Variants in PTPRN2 observed in about 807,000 individuals in gnomAD.
PTPRN2 encodes the protein receptor-type tyrosine-protein phosphatase N2.
PTPRN2 carries 74 observed loss-of-function variants against 118.8 expected under a neutral mutation model. The observed-to-expected ratio is 0.62, with a 90% CI of 0.52 to 0.76. PTPRN2 has a LOEUF of 0.76. Among genes scored for constraint, PTPRN2 ranks in the 30% least tolerant of loss-of-function variants. PTPRN2 has a pLI of 0.00. For synonymous variants in PTPRN2, 641 were observed against 608.0 expected, an observed-to-expected ratio of 1.05 and a Z score of -0.80; for missense variants, 1,481 against 1,394.4, an observed-to-expected ratio of 1.06 and a Z score of -0.99.
chr7:158,304,211 C>T lies in PTPRN2; in HGVS notation c.277+12608G>A, dbSNP rs758410147. Among the ~76,000 whole-genome samples the T allele has an allele frequency of 7.4e-4, 111 of 150,300 alleles. 3 individuals carry two copies. Among genetic ancestry groups the T allele is most frequent in the Non-Finnish European group, 9.3e-4 (63 of 67,772 alleles). On this transcript the variant is annotated intron_variant, in intron 3 of 22. Transcript: ENST00000389418. ...GGGAGGCATAAGACATCCATCAATACACATAAGACGTACACAGGCTTGGAT... is the reference window on the plus strand; with the variant it reads ...GGGAGGCATAAGACATCCATCAATATACATAAGACGTACACAGGCTTGGAT...
chr7:158,288,864 T>A (rs1799930712), intron 3 of PTPRN2, among the ~76,000 whole-genome samples: 1 of 152,234 alleles, frequency 6.6e-6, no homozygotes, highest in East Asian at 1.9e-4. Context: ...ACAGCTCTGG[T>A]GGTGATTAAT....
chr7:158,420,029 A>G (rs1445927020), intron 2 of PTPRN2, among the ~76,000 whole-genome samples: 1 of 152,192 alleles, frequency 6.6e-6, no homozygotes, highest in Non-Finnish European at 1.5e-5. Context: ...AATCTTGTGC[A>G]CAGGACCTGA....
At chr7:158,263,344 A>G (rs187801482) in intron 3 of PTPRN2, among the ~76,000 whole-genome samples, 4 of 151,472 alleles carry the variant, frequency 2.6e-5, no homozygotes, top group African/African-American at 9.7e-5. Context: ...GCACATGTAC[A>G]TGTGTACACA....
chr7:158,267,624 C>T (rs1205090892), intron 3 of PTPRN2, among the ~76,000 whole-genome samples: 2 of 152,176 alleles, frequency 1.3e-5, no homozygotes, highest in African/African-American at 2.4e-5. Context: ...GCCTGCCCCT[C>T]GCCCCTGAGA....
intron 11 of PTPRN2, among the ~76,000 whole-genome samples, chr7:157,924,504 A>G (rs1343705821): frequency 6.6e-6 from 1 of 152,144 alleles, no homozygotes; most frequent in Non-Finnish European, 1.5e-5. Context: ...GGCCCTGCTC[A>G]CCACTGGCCC....
At chr7:158,329,993 C>T (rs183178187) in intron 2 of PTPRN2, among the ~76,000 whole-genome samples, 14 of 142,106 alleles carry the variant, frequency 9.9e-5, no homozygotes, top group South Asian at 4.4e-4. Context: ...AGCTCACGCC[C>T]GCAGACGACA....
In PTPRN2 at chr7:157,568,954, G is replaced by T; in HGVS notation, c.2850C>A (p.Gly950=). The T allele has an allele frequency of 6.4e-7, 1 of 1,574,448 alleles. No individual in the cohort carries two copies. Among genetic ancestry groups the T allele is most frequent in the Non-Finnish European group, 8.7e-7 (1 of 1,144,170 alleles). Residue 950 remains glycine (G), a synonymous_variant, in exon 21 of 23, where the codon GGC becomes GGA. Coordinates refer to ENST00000389418, the MANE Select transcript of PTPRN2 (RefSeq NM_002847.5). The part of the protein sequence containing the change: ...PIIVHCSDGA[G]RSGTYVLIDM... ...CGATCAGGACGTAGGTGCCGCTCCG[G>T]CCTGCACCGTCACTGCCAACAGAAG...
At chr7:158,341,184 T>A (rs1806688451) in intron 2 of PTPRN2, among the ~76,000 whole-genome samples, 1 of 149,606 alleles carries the variant, frequency 6.7e-6, no homozygotes, top group Non-Finnish European at 1.5e-5. Context: ...ACACCCACAC[T>A]CTCACCATAA....
chr7:158,580,307 A>G (rs2129452183), intron 1 of PTPRN2, among the ~76,000 whole-genome samples: 1 of 152,354 alleles, frequency 6.6e-6, no homozygotes, highest in East Asian at 1.9e-4. Context: ...CCATCCATTT[A>G]CAAGTTGAAT....
chr7:158,290,193 T>TC (rs1201743549), intron 3 of PTPRN2, among the ~76,000 whole-genome samples: 1 of 69,674 alleles, frequency 1.4e-5, no homozygotes, highest in Non-Finnish European at 3.4e-5. Context: ...CCAAAGGGGC[T>TC]GGCTGGCACC....
intron 2 of PTPRN2, among the ~76,000 whole-genome samples, chr7:158,361,418 C>T (rs961420742): frequency 2.0e-5 from 3 of 152,238 alleles, no homozygotes; most frequent in Non-Finnish European, 4.4e-5. Flanking sequence ...ACAGACTCTT[C>T]ATCCATCCTT....
chr7:157,708,785 T>C (rs1798455652), intron 12 of PTPRN2, among the ~76,000 whole-genome samples: 1 of 152,164 alleles, frequency 6.6e-6, no homozygotes, highest in Non-Finnish European at 1.5e-5. Context: ...AACCAAAGAA[T>C]GGCTATAATC....
intron 12 of PTPRN2, among the ~76,000 whole-genome samples, chr7:157,812,150 T>C (rs1315351346): frequency 6.6e-6 from 1 of 152,166 alleles, no homozygotes; most frequent in Non-Finnish European, 1.5e-5. Context: ...CAGAGGGCAG[T>C]GTCTGCTCTG....
intron 21 of PTPRN2, among the ~76,000 whole-genome samples, chr7:157,549,532 G>C (rs1563203541): frequency 6.6e-6 from 1 of 152,050 alleles, no homozygotes; most frequent in Non-Finnish European, 1.5e-5. Context: ...TTGGGACTGG[G>C]TAAAGGTGCC....
intron 12 of PTPRN2, among the ~76,000 whole-genome samples, chr7:157,687,071 C>A (rs1176420307): frequency 6.6e-6 from 1 of 152,094 alleles, no homozygotes; most frequent in Non-Finnish European, 1.5e-5. Context: ...ACCACAGAGA[C>A]AATTTGTGGA....
chr7:158,350,864 T>C (rs1457283972), intron 2 of PTPRN2, among the ~76,000 whole-genome samples: 1 of 152,194 alleles, frequency 6.6e-6, no homozygotes, highest in Non-Finnish European at 1.5e-5. Context: ...AACCCTGATT[T>C]TCCAAAAGGG....
chr7:157,692,231 G>C lies in PTPRN2; in HGVS notation c.1789-9294C>G, dbSNP rs372221422. ...CGCGCCACTCGACGCCCCTCCCGCC[G>C]CACACCCGGCTGCCCGCGGCGCCCG... On this transcript the variant is annotated intron_variant, in intron 12 of 22. Transcript: ENST00000389418. Among the ~76,000 whole-genome samples the C allele has an allele frequency of 2.3e-4, 35 of 151,620 alleles. No individual in the cohort carries two copies. The East Asian group carries it at 5.1e-3, about 22-fold the overall frequency.
intron 14 of PTPRN2, among the ~76,000 whole-genome samples, chr7:157,634,976 G>A (rs1173116001): frequency 6.6e-6 from 1 of 152,222 alleles, no homozygotes; most frequent in Non-Finnish European, 1.5e-5. Context: ...TGACCAGCCA[G>A]CATGTCTCGA....
At chr7:158,331,007 G>T (rs7806939) in intron 2 of PTPRN2, among the ~76,000 whole-genome samples, 2 of 84,910 alleles carry the variant, frequency 2.4e-5, no homozygotes, top group East Asian at 3.9e-4. Flanking sequence ...GACACCCGCA[G>T]ACGTCACTCA....
Sources: gnomAD v4.1 joint callset for allele counts (sites outside exome capture counted in the v4.1 genomes callset) on GRCh38, gnomAD v4.1.1 for gene constraint, MANE v1.5 for transcripts, NCBI Gene and HGNC (gene_info 2026-07-23, HGNC 2026-07-21) for gene names.